The following PPP1R12B variants were observed in gnomAD, a reference collection of about 807,000 sequenced individuals.
The protein encoded by PPP1R12B is myosin phosphatase target subunit 2.
A neutral mutation model predicts 126.1 loss-of-function variants in PPP1R12B; 76 were observed. The observed-to-expected ratio is 0.60, with a 90% CI of 0.50 to 0.73. The LOEUF is 0.73. Ranked by LOEUF, PPP1R12B falls within the 30% of genes least tolerant of loss-of-function variation. The pLI is 0.00. For missense variants in PPP1R12B, 1,052 were observed against 1,205.1 expected (o/e 0.87, Z 1.88); for synonymous variants, 356 against 434.7 (o/e 0.82, Z 2.25).
Position 202,508,244 on chromosome 1 carries a change from G to A in PPP1R12B, c.2490+11422G>A, listed in dbSNP as rs1681045694. ...CTCTTCGTAGAGAAACCATAGTTTT[G>A]TAACCTAGTATGATCCTTTAAGGTA... is the stretch of plus-strand genomic sequence containing the variant. On this transcript the variant is annotated intron_variant, in intron 18 of 23. Coordinates refer to ENST00000608999, the MANE Select transcript of PPP1R12B (RefSeq NM_002481.4). This position sits in a 1 kb window ranked among gnomAD's most constrained non-coding sequence, Gnocchi z 4.5. Among the ~76,000 whole-genome samples, 1 of 152,188 alleles carries A rather than the reference G, an allele frequency of 6.6e-6. No individual in the cohort carries two copies. The highest frequency in any genetic ancestry group is 2.4e-5 in the African/African-American group (1 of 41,448).
chr1:202,535,251 C>G (rs1481976599), intron 18 of PPP1R12B, among the ~76,000 whole-genome samples: 2 of 152,114 alleles, frequency 1.3e-5, no homozygotes, highest in African/African-American at 4.8e-5. Context: ...CTTCCCAAAC[C>G]ATGTGTACAG....
At chr1:202,492,503 T>C (rs982496030) in intron 14 of PPP1R12B, among the ~76,000 whole-genome samples, 1 of 152,174 alleles carries the variant, frequency 6.6e-6, no homozygotes, top group African/African-American at 2.4e-5. Context: ...TCCTGTAGTT[T>C]TGTCATCATT....
chr1:202,561,926 T>C (rs1687576336), intron 19 of PPP1R12B, among the ~76,000 whole-genome samples: 1 of 152,218 alleles, frequency 6.6e-6, no homozygotes, highest in Non-Finnish European at 1.5e-5. Context: ...TTTTCACAGT[T>C]GTGACTCTTC....
At position 202,584,141 on chromosome 1, in the gene PPP1R12B, T is replaced by A. The variant is rs954118536; in HGVS notation, c.*3581T>A. On this transcript the variant is annotated 3_prime_UTR_variant, in exon 24 of 24. Coordinates refer to ENST00000608999, the MANE Select transcript of PPP1R12B (RefSeq NM_002481.4). ...ATAGACATGCTTTGGGCTTACTCAG[T>A]GTACCAGATTCTCTAGTGGGCCATT... The A allele has an allele frequency of 6.6e-6, 1 of 152,214 alleles. No homozygotes were observed. Among genetic ancestry groups the A allele is most frequent in the Non-Finnish European group, 1.5e-5 (1 of 68,046 alleles). 9.4% of individuals were successfully genotyped at this position (152,214 alleles called of 1,614,324 possible).
chr1:202,436,712 T>G (rs1441596542), intron 9 of PPP1R12B, among the ~76,000 whole-genome samples: 1 of 152,216 alleles, frequency 6.6e-6, no homozygotes, highest in Non-Finnish European at 1.5e-5. Context: ...AGCTTTCTTT[T>G]CTGATATTAA....
At chr1:202,538,160 A>G (rs1327973978) in intron 18 of PPP1R12B, among the ~76,000 whole-genome samples, 1 of 152,074 alleles carries the variant, frequency 6.6e-6, no homozygotes, top group African/African-American at 2.4e-5. Flanking sequence ...TGCCTGGCTA[A>G]TTTTTTGTAT....
chr1:202,391,386 T>A (rs1664137474), intron 1 of PPP1R12B, among the ~76,000 whole-genome samples: 1 of 152,020 alleles, frequency 6.6e-6, no homozygotes, highest in Non-Finnish European at 1.5e-5. Flanking sequence ...ATGACAAGTA[T>A]TGGTGAGGGT....
chr1:202,570,837 T>C (rs1388464726), intron 23 of PPP1R12B, among the ~76,000 whole-genome samples: 1 of 152,250 alleles, frequency 6.6e-6, no homozygotes, highest in Non-Finnish European at 1.5e-5. Context: ...TAACTGTTTC[T>C]TGATGAGTGC....
At chr1:202,545,037 C>T (rs1371049916) in intron 18 of PPP1R12B, among the ~76,000 whole-genome samples, 5 of 152,192 alleles carry the variant, frequency 3.3e-5, no homozygotes, top group Non-Finnish European at 5.9e-5. Context: ...TTATCGTATC[C>T]TCTATACATC....
intron 18 of PPP1R12B, among the ~76,000 whole-genome samples, chr1:202,536,449 G>C (rs1352515361): frequency 6.6e-6 from 1 of 152,132 alleles, no homozygotes; most frequent in Non-Finnish European, 1.5e-5. Context: ...TACCTGTATA[G>C]GGCATTTACC....
Position 202,465,313 on chromosome 1 carries a change from A to T in PPP1R12B, c.1850+16142A>T, listed in dbSNP as rs550173550. The stretch of plus-strand genomic sequence containing the variant: ...GGGTCAGTCTTCACTGGATATTTGT[A>T]TACCATGAGCTTGGCAATATAAGCA... On this transcript the variant is annotated intron_variant, in intron 13 of 23. Transcript: ENST00000608999. Among the ~76,000 whole-genome samples the T allele has an allele frequency of 1.7e-4, 26 of 152,282 alleles. No homozygotes were observed. The South Asian group carries it at 5.4e-3, about 32-fold the overall frequency.
chr1:202,405,254 C>G (rs1164025969), intron 1 of PPP1R12B, among the ~76,000 whole-genome samples: 1 of 152,140 alleles, frequency 6.6e-6, no homozygotes, highest in African/African-American at 2.4e-5. Flanking sequence ...ACTTCCTTTA[C>G]CAGCTATAGA....
intron 18 of PPP1R12B, among the ~76,000 whole-genome samples, chr1:202,540,979 A>T (rs1343171532): frequency 3.3e-5 from 5 of 152,238 alleles, no homozygotes; most frequent in Non-Finnish European, 7.3e-5. Context: ...AGAGATTTAC[A>T]TATGGGCATT....
chr1:202,533,839 G>A (rs1328621275), intron 18 of PPP1R12B, among the ~76,000 whole-genome samples: 1 of 152,124 alleles, frequency 6.6e-6, no homozygotes, highest in African/African-American at 2.4e-5. Context: ...TTTCTCCATG[G>A]TAAAGTTAGT....
chr1:202,358,996 G>A (rs1657641039), intron 1 of PPP1R12B, among the ~76,000 whole-genome samples: 1 of 151,904 alleles, frequency 6.6e-6, no homozygotes, highest in Non-Finnish European at 1.5e-5. Context: ...ATTTTATTAT[G>A]GAATATTTCA....
At chr1:202,577,548 A>G (rs1689199552) in intron 23 of PPP1R12B, among the ~76,000 whole-genome samples, 1 of 151,920 alleles carries the variant, frequency 6.6e-6, no homozygotes, top group Non-Finnish European at 1.5e-5. Context: ...CTGGCAGTGC[A>G]GTCGAGAGAT....
intron 18 of PPP1R12B, chr1:202,527,366 C>T (rs1474643796): frequency 6.6e-6 from 1 of 152,152 alleles, no homozygotes; most frequent in Non-Finnish European, 1.5e-5. Context: ...GCATACATAA[C>T]CAGGGCATCT....
chr1:202,496,884 T>C, intron 18 of PPP1R12B, 62 bp downstream of exon 18: 1 of 1,502,332 alleles, frequency 6.7e-7, no homozygotes, highest in Admixed American at 1.8e-5. Context: ...GTATGTAATT[T>C]TAGTAGAAGA....
chr1:202,390,833 A>G (rs1359031152), intron 1 of PPP1R12B, among the ~76,000 whole-genome samples: 1 of 152,214 alleles, frequency 6.6e-6, no homozygotes, highest in Non-Finnish European at 1.5e-5. Flanking sequence ...TCGAGAAAGC[A>G]GGTAGATCAC....
Sources: gnomAD v4.1 joint callset for allele counts (sites outside exome capture counted in the v4.1 genomes callset) on GRCh38, gnomAD v4.1.1 for gene constraint, Gnocchi (gnomAD v3.1) non-coding constraint, MANE v1.5 for transcripts, NCBI Gene and HGNC (gene_info 2026-07-23, HGNC 2026-07-21) for gene names.